PIEZO2: variants seen among roughly 807,000 people sequenced by gnomAD.
PIEZO2 encodes piezo-type mechanosensitive ion channel component 2.
PIEZO2 carries 172 observed loss-of-function variants against 337.3 expected under a neutral mutation model. That is an observed-to-expected ratio of 0.51 (90% CI 0.45 to 0.58). PIEZO2 has a LOEUF of 0.58. Ranked by LOEUF, PIEZO2 falls within the 20% of genes least tolerant of loss-of-function variation. The probability of loss-of-function intolerance (pLI) is 0.00; values close to 1 mark genes in which losing one functional copy is unlikely to be tolerated. For missense variants in PIEZO2, 3,028 were observed against 3,391.3 expected (o/e 0.89, Z 2.66); for synonymous variants, 1,251 against 1,228.5 (o/e 1.02, Z -0.38).
rs1310482259 is a variant in PIEZO2 at position 10,872,170 on chromosome 18, A to G, written c.330-755T>C. ...TGTTCGTGAAAGTTCTTTGTAAAGA[A>G]TGAAACACATATTTTCACTAAGCCT... On this transcript the variant is annotated intron_variant, in intron 4 of 55. Coordinates refer to ENST00000674853, the MANE Select transcript of PIEZO2 (RefSeq NM_001378183.1). The surrounding 1 kb of genome is among the most constrained non-coding windows in gnomAD (Gnocchi z 4.3). Among the ~76,000 whole-genome samples the G allele has an allele frequency of 6.6e-6, 1 of 152,248 alleles. No individual in the cohort carries two copies. The highest frequency in any genetic ancestry group is 1.5e-5 in the Non-Finnish European group (1 of 68,042).
At chr18:11,093,981 TTTC>T (rs1372101645) in intron 1 of PIEZO2, among the ~76,000 whole-genome samples, 2 of 151,278 alleles carry the variant, frequency 1.3e-5, no homozygotes, top group African/African-American at 4.9e-5. Context: ...GGGGTTTTTT[TTTC>T]TTTCTTTTTT....
chr18:10,789,048 T>C, intron 15 of PIEZO2, 31 bp downstream of exon 15: 1 of 1,516,254 alleles, frequency 6.6e-7, no homozygotes, highest in Admixed American at 2.0e-5. Flanking sequence ...GGGAGAGATG[T>C]GAGAATTAAA....
chr18:10,811,327 T>C lies in PIEZO2; in HGVS notation c.918-4053A>G, dbSNP rs138705364. Among the ~76,000 whole-genome samples the C allele has an allele frequency of 3.3e-4, 50 of 152,290 alleles. 1 individual carries two copies. Among genetic ancestry groups the C allele is most frequent in the African/African-American group, 1.2e-3 (50 of 41,560 alleles). ...TGCTATTTTTAGTTTACGTGCTTGT[T>C]TTGCTGCCCATTTTTATTCTAACGC... On this transcript the variant is annotated intron_variant, in intron 7 of 55. Transcript: ENST00000674853.
At chr18:10,912,225 T>G (rs558538191) in intron 3 of PIEZO2, among the ~76,000 whole-genome samples, 19 of 152,284 alleles carry the variant, frequency 1.2e-4, no homozygotes, top group African/African-American at 4.6e-4. Flanking sequence ...AGGCATATAA[T>G]AATTTTCTGA....
chr18:10,936,127 G>C (rs2032377195), intron 3 of PIEZO2, among the ~76,000 whole-genome samples: 1 of 152,128 alleles, frequency 6.6e-6, no homozygotes, highest in Non-Finnish European at 1.5e-5. Flanking sequence ...ATCACTATTA[G>C]GGCTGTGAGC....
Position 10,696,667 on chromosome 18 carries a change from C to G in PIEZO2, c.6828-128G>C, listed in dbSNP as rs539325226. The G allele has an allele frequency of 1.6e-4, 177 of 1,079,972 alleles. 1 individual carries two copies. The highest frequency in any genetic ancestry group is 2.3e-4 in the Non-Finnish European group (169 of 748,816). 66.9% of individuals were successfully genotyped at this position (1,079,972 alleles called of 1,614,324 possible). On this transcript the variant is annotated intron_variant, in intron 45 of 55. Coordinates refer to ENST00000674853, the MANE Select transcript of PIEZO2 (RefSeq NM_001378183.1). ...TTCCAGTCAGGTCCCACCTTCCTCT[C>G]TCTGCCTCAGGATAGTCCCGCTGTG...
intron 27 of PIEZO2, 50 bp from the exon 28 acceptor site, chr18:10,752,929 A>G: frequency 6.7e-7 from 1 of 1,501,002 alleles, no homozygotes; most frequent in South Asian, 1.3e-5. Context: ...AAACAAACAA[A>G]AGCAAAATCA....
In PIEZO2 at chr18:10,733,656, G is replaced by A. The variant is rs1023449749; in HGVS notation, c.4914+1576C>T. ...GTAGAGACGGGGTTTCACTGTGTTAGCCAGGATGGTCTCGATCTCCTGACC... is the reference window on the plus strand; with the variant it reads ...GTAGAGACGGGGTTTCACTGTGTTAACCAGGATGGTCTCGATCTCCTGACC... On this transcript the variant is annotated intron_variant, in intron 35 of 55. Coordinates refer to ENST00000674853, the MANE Select transcript of PIEZO2 (RefSeq NM_001378183.1). 1.2e-4 allele frequency among the ~76,000 whole-genome samples: 18 copies of A among 152,226 alleles called. No individual in the cohort carries two copies. In the South Asian group the frequency reaches 3.5e-3, roughly 30 times the overall value.
In PIEZO2 at chr18:10,726,270, T is replaced by C. The variant is rs2036533800; in HGVS notation, c.5029+5137A>G. 2.4e-6 allele frequency: 2 copies of C among 825,546 alleles called. No homozygotes were observed. The highest frequency in any genetic ancestry group is 1.7e-5 in the African/African-American group (1 of 58,916). The allele number at this position is 825,546 out of a possible 1,614,324, so 51.1% of individuals were successfully genotyped here. A position where few individuals can be genotyped will look rare whatever the true frequency, so the allele number is the denominator to read the frequency against. On this transcript the variant is annotated intron_variant, in intron 36 of 55. Coordinates refer to ENST00000674853, the MANE Select transcript of PIEZO2 (RefSeq NM_001378183.1). The surrounding 1 kb of genome is among the most constrained non-coding windows in gnomAD (Gnocchi z 5.9). ...GTGTGCGAGCCTGTGTTCGGGAGCA[T>C]GAGAATGGAAGCGTCGCGGCCAGAG...
intron 33 of PIEZO2, chr18:10,738,018 ATTGGGCC>A (rs1307658657): frequency 1.3e-5 from 2 of 152,228 alleles, no homozygotes; most frequent in African/African-American, 2.4e-5. Context: ...CAGTGGGTGA[ATTGGGCC>A]TTATATCCTT....
intron 2 of PIEZO2, among the ~76,000 whole-genome samples, chr18:10,998,092 T>G (rs948310556): frequency 6.6e-6 from 1 of 152,170 alleles, no homozygotes; most frequent in Admixed American, 6.5e-5. Context: ...AAGACTAGCA[T>G]ACAGTGGAAC....
chr18:10,778,894 C>T lies in PIEZO2; in HGVS notation c.2534+1431G>A, dbSNP rs191659955. Among the ~76,000 whole-genome samples the T allele has an allele frequency of 2.5e-3, 383 of 152,274 alleles. 1 individual carries two copies. Among genetic ancestry groups the T allele is most frequent in the African/African-American group, 8.6e-3 (357 of 41,568 alleles). Reference sequence around the variant, plus strand: ...AGCCCATCAAACCAACTCTTGCCCTCTTATGGGTCTCAGCTTTCTCTTTAC... The same window carrying T: ...AGCCCATCAAACCAACTCTTGCCCTTTTATGGGTCTCAGCTTTCTCTTTAC... On this transcript the variant is annotated intron_variant, in intron 18 of 55. Coordinates refer to ENST00000674853, the MANE Select transcript of PIEZO2 (RefSeq NM_001378183.1).
chr18:11,129,094 G>A lies in PIEZO2; in HGVS notation c.64+19431C>T, dbSNP rs1035116543. On this transcript the variant is annotated intron_variant, in intron 1 of 55. Transcript: ENST00000674853. The surrounding 1 kb of genome is among the most constrained non-coding windows in gnomAD (Gnocchi z 4.6). ...CTCCCTCAGTTTAATGTAGAGGAAG[G>A]GATCCAAAGGCTTAGGGAGATTGGG... Among the ~76,000 whole-genome samples the A allele has an allele frequency of 6.6e-6, 1 of 152,188 alleles. No homozygotes were observed. The highest frequency in any genetic ancestry group is 2.4e-5 in the African/African-American group (1 of 41,444).
Position 10,691,782 on chromosome 18 carries a change from C to CACACACACACACACATAT in PIEZO2, c.7191-400_7191-399insATATGTGTGTGTGTGTGT. Reference sequence around the variant, plus strand: ...AAATATATATAAACACACACACACACATATATATATATATATATAGAGAGA... The same window carrying CACACACACACACACATAT: ...AAATATATATAAACACACACACACACACACACACACACACATATATATATATATATATATATAGAGAGA... On this transcript the variant is annotated intron_variant, in intron 47 of 55. Coordinates refer to ENST00000674853, the MANE Select transcript of PIEZO2 (RefSeq NM_001378183.1). 9.5e-4 allele frequency among the ~76,000 whole-genome samples: 92 copies of CACACACACACACACATAT among 96,614 alleles called. 2 individuals are homozygous for CACACACACACACACATAT. Among genetic ancestry groups the CACACACACACACACATAT allele is most frequent in the Admixed American group, 1.9e-3 (17 of 8,754 alleles). 63.4% of individuals were successfully genotyped at this position (96,614 alleles called of 152,430 possible). A position where few individuals can be genotyped will look rare whatever the true frequency, so the allele number is the denominator to read the frequency against.
At chr18:10,838,417 C>G (rs780325015) in intron 7 of PIEZO2, among the ~76,000 whole-genome samples, 108 of 152,322 alleles carry the variant, frequency 7.1e-4, no homozygotes, top group Middle Eastern at 6.8e-3. Context: ...AAACTTTGCA[C>G]TGAGTCCCCT....
intron 1 of PIEZO2, among the ~76,000 whole-genome samples, chr18:11,108,194 C>G (rs1332075605): frequency 6.6e-6 from 1 of 152,124 alleles, no homozygotes; most frequent in Non-Finnish European, 1.5e-5. Context: ...AAAAAAAGTG[C>G]CTCAAATTAA....
intron 7 of PIEZO2, among the ~76,000 whole-genome samples, chr18:10,812,397 G>A (rs887340761): frequency 1.3e-5 from 2 of 152,194 alleles, no homozygotes; most frequent in African/African-American, 4.8e-5. Flanking sequence ...GTGGGAGGAG[G>A]GCGAGGATGT....
At chr18:10,995,080 A>AAAAAAAAAAAAGAAAG (rs1287093910) in intron 2 of PIEZO2, among the ~76,000 whole-genome samples, 5 of 149,330 alleles carry the variant, frequency 3.3e-5, no homozygotes, top group South Asian at 2.1e-4. Flanking sequence ...TCCGTCTCAA[A>AAAAAAAAAAAAGAAAG]AAAAAAAAAA....
intron 2 of PIEZO2, among the ~76,000 whole-genome samples, chr18:10,987,469 C>T (rs2145530236): frequency 6.6e-6 from 1 of 152,164 alleles, no homozygotes; most frequent in Admixed American, 6.5e-5. Flanking sequence ...AATGGATAGT[C>T]TCTTCAATAA....
Sources: allele counts gnomAD v4.1 joint callset (sites outside exome capture counted in the v4.1 genomes callset), GRCh38; gene constraint gnomAD v4.1.1; non-coding constraint Gnocchi (gnomAD v3.1); transcripts MANE v1.5; gene names NCBI Gene and HGNC (gene_info 2026-07-23, HGNC 2026-07-21).